Variants in CADPS2 observed in about 807,000 individuals in gnomAD.
The protein encoded by CADPS2 is calcium-dependent secretion activator 2.
A neutral mutation model predicts 172.5 loss-of-function variants in CADPS2; 93 were observed. The ratio of observed to expected loss-of-function variants is 0.54; its 90% CI spans 0.46 to 0.64. CADPS2 has a LOEUF of 0.64. Among genes scored for constraint, CADPS2 ranks in the 30% least tolerant of loss-of-function variants. CADPS2 has a pLI of 0.00. For synonymous variants in CADPS2, 546 were observed against 555.2 expected, an observed-to-expected ratio of 0.98 and a Z score of 0.23; for missense variants, 1,420 against 1,565.9, an observed-to-expected ratio of 0.91 and a Z score of 1.57.
chr7:122,652,019 C>A (rs1247568639), intron 3 of CADPS2, among the ~76,000 whole-genome samples: 1 of 152,196 alleles, frequency 6.6e-6, no homozygotes, highest in East Asian at 1.9e-4. Flanking sequence ...AAAAGCCATG[C>A]ATTTCATGCC....
intron 12 of CADPS2, among the ~76,000 whole-genome samples, chr7:122,480,448 T>C (rs944630475): frequency 1.3e-5 from 2 of 152,140 alleles, no homozygotes; most frequent in Non-Finnish European, 2.9e-5. Context: ...AAGTAGCAAC[T>C]AGTGCCTCCG....
intron 1 of CADPS2, among the ~76,000 whole-genome samples, chr7:122,806,292 T>A (rs1798783588): frequency 6.6e-6 from 1 of 152,218 alleles, no homozygotes; most frequent in South Asian, 2.1e-4. Flanking sequence ...AGTTCTACAA[T>A]GAAATAAAAG....
chr7:122,358,787 C>A (rs2039754445), intron 27 of CADPS2, among the ~76,000 whole-genome samples: 1 of 152,076 alleles, frequency 6.6e-6, no homozygotes, highest in Admixed American at 6.6e-5. Context: ...AGTGTAATGT[C>A]CATAACTGAA....
chr7:122,834,753 C>G (rs1004429636), intron 1 of CADPS2, among the ~76,000 whole-genome samples: 2 of 152,252 alleles, frequency 1.3e-5, no homozygotes, highest in African/African-American at 4.8e-5. Context: ...CACCTGCCAT[C>G]GCTGAGGCTC....
chr7:122,331,905 AC>A (rs1184775024), intron 28 of CADPS2: 1 of 152,196 alleles, frequency 6.6e-6, no homozygotes, highest in African/African-American at 2.4e-5. Flanking sequence ...CTATAGAAGG[AC>A]ATCTGGATTT....
chr7:122,477,388 C>T (rs1231933359), intron 12 of CADPS2, among the ~76,000 whole-genome samples: 6 of 151,400 alleles, frequency 4.0e-5, no homozygotes, highest in African/African-American at 9.7e-5. Context: ...TGGTGGCAGG[C>T]GCCTGTAATC....
At chr7:122,433,281 T>C (rs997936486) in intron 17 of CADPS2, among the ~76,000 whole-genome samples, 1 of 151,928 alleles carries the variant, frequency 6.6e-6, no homozygotes, top group African/African-American at 2.4e-5. Context: ...ATGCTCTCCC[T>C]GGAATATAAC....
intron 17 of CADPS2, among the ~76,000 whole-genome samples, chr7:122,428,415 T>A (rs1247378796): frequency 6.6e-6 from 1 of 151,260 alleles, no homozygotes; most frequent in East Asian, 1.9e-4. Context: ...ACCTCTGCCC[T>A]TGAGTGTATG....
intron 1 of CADPS2, among the ~76,000 whole-genome samples, chr7:122,859,664 A>G (rs942793603): frequency 3.9e-5 from 6 of 152,180 alleles, no homozygotes; most frequent in South Asian, 4.1e-4. Context: ...CAGGACCCCC[A>G]TGAATACCAA....
intron 9 of CADPS2, among the ~76,000 whole-genome samples, chr7:122,495,408 A>C (rs116408877): frequency 0.019 from 2,889 of 152,330 alleles, 100 homozygotes; most frequent in African/African-American, 0.066. Context: ...ATAAACATCA[A>C]GTACTTTTTG....
chr7:122,833,154 C>G (rs1807121521), intron 1 of CADPS2, among the ~76,000 whole-genome samples: 1 of 152,172 alleles, frequency 6.6e-6, no homozygotes, highest in Admixed American at 6.5e-5. Flanking sequence ...ATTTTGATCA[C>G]ATGAGACACT....
At chr7:122,573,668 A>G (rs1316689171) in intron 7 of CADPS2, among the ~76,000 whole-genome samples, 1 of 152,196 alleles carries the variant, frequency 6.6e-6, no homozygotes, top group Admixed American at 6.5e-5. Context: ...CTTTGTACTC[A>G]AGAATACCAT....
intron 17 of CADPS2, among the ~76,000 whole-genome samples, chr7:122,429,242 G>A (rs1057452673): frequency 1.3e-5 from 2 of 150,210 alleles, no homozygotes; most frequent in Non-Finnish European, 3.0e-5. Context: ...CAAATAATAC[G>A]TGAAGTTGAA....
chr7:122,668,537 T>C (rs1003837430), intron 2 of CADPS2, among the ~76,000 whole-genome samples: 1 of 151,536 alleles, frequency 6.6e-6, no homozygotes, highest in African/African-American at 2.4e-5. Context: ...TAGTAAAAAA[T>C]ATGGATTTAC....
chr7:122,865,140 C>T (rs1363178991), intron 1 of CADPS2, among the ~76,000 whole-genome samples: 2 of 151,934 alleles, frequency 1.3e-5, no homozygotes, highest in Non-Finnish European at 2.9e-5. Flanking sequence ...ATGAGTCTGG[C>T]ATCTCCTCTC....
intron 25 of CADPS2, among the ~76,000 whole-genome samples, chr7:122,376,414 C>T (rs775798872): frequency 1.3e-5 from 2 of 152,014 alleles, no homozygotes; most frequent in Non-Finnish European, 2.9e-5. Flanking sequence ...GGAAATCCTG[C>T]CACTTGAGAC....
chr7:122,400,919 T>A (rs1175298126), intron 20 of CADPS2, among the ~76,000 whole-genome samples: 1 of 152,188 alleles, frequency 6.6e-6, no homozygotes, highest in Non-Finnish European at 1.5e-5. Flanking sequence ...GTCCTTCATT[T>A]GAAAGAAATC....
chr7:122,683,770 G>C (rs943185576), intron 2 of CADPS2, among the ~76,000 whole-genome samples: 2 of 151,512 alleles, frequency 1.3e-5, no homozygotes, highest in Non-Finnish European at 2.9e-5. Context: ...CAGATTCCCA[G>C]TTGGGGCTGC....
Position 122,541,594 on chromosome 7 carries a change from T to C in CADPS2, c.1475+12956A>G, listed in dbSNP as rs535378416. 3.2e-3 allele frequency among the ~76,000 whole-genome samples: 468 copies of C among 145,976 alleles called. 1 individual carries two copies. The highest frequency in any genetic ancestry group is 5.3e-3 in the Non-Finnish European group (351 of 66,514). ...ATATTCATATATATTTATATATTCA[T>C]ATATATTTATATATTCACATATATC... is the stretch of plus-strand genomic sequence containing the variant. On this transcript the variant is annotated intron_variant, in intron 8 of 29. Coordinates refer to ENST00000449022, the MANE Select transcript of CADPS2 (RefSeq NM_017954.11).
Sources: gnomAD v4.1 joint callset for allele counts (sites outside exome capture counted in the v4.1 genomes callset) on GRCh38, gnomAD v4.1.1 for gene constraint, MANE v1.5 for transcripts, NCBI Gene and HGNC (gene_info 2026-07-23, HGNC 2026-07-21) for gene names.